The following PLXDC2 variants were observed in gnomAD, a reference collection of about 807,000 sequenced individuals.
The protein encoded by PLXDC2 is plexin domain containing 2, also known as plexin domain-containing protein 2.
PLXDC2 carries 40 observed loss-of-function variants against 68.9 expected under a neutral mutation model. The ratio of observed to expected loss-of-function variants is 0.58; its 90% confidence interval spans 0.45 to 0.76. The LOEUF (loss-of-function observed/expected upper bound fraction) is 0.76. Among genes scored for constraint, PLXDC2 ranks in the 30% least tolerant of loss-of-function variants. The pLI, the probability that PLXDC2 is intolerant of heterozygous loss-of-function variation, is 0.00. For missense variants in PLXDC2, 644 were observed against 661.9 expected (o/e 0.97, Z 0.30); for synonymous variants, 243 against 234.2 (o/e 1.04, Z -0.34).
intron 7 of PLXDC2, among the ~76,000 whole-genome samples, chr10:20,173,935 A>C (rs10740966): frequency 6.6e-6 from 1 of 152,050 alleles, no homozygotes; most frequent in Non-Finnish European, 1.5e-5. Flanking sequence ...GTTAAATTCA[A>C]CTCCTCTCAA....
chr10:20,128,961 C>T (rs1164966455), intron 4 of PLXDC2, among the ~76,000 whole-genome samples: 2 of 152,150 alleles, frequency 1.3e-5, no homozygotes, highest in East Asian at 3.9e-4. Flanking sequence ...TCTGCTATCC[C>T]TTGCACATAC....
At chr10:20,209,003 C>T (rs1274993547) in intron 9 of PLXDC2, among the ~76,000 whole-genome samples, 2 of 151,954 alleles carry the variant, frequency 1.3e-5, no homozygotes, top group Non-Finnish European at 2.9e-5. Flanking sequence ...AATAGAATAT[C>T]ACAAGGCAAA....
chr10:20,210,435 C>G (rs1157189795), intron 9 of PLXDC2, among the ~76,000 whole-genome samples: 1 of 152,104 alleles, frequency 6.6e-6, no homozygotes, highest in Admixed American at 6.6e-5. Context: ...AGAATGTGCT[C>G]TGGATAGTAA....
At chr10:19,907,446 G>C (rs1023716737) in intron 1 of PLXDC2, among the ~76,000 whole-genome samples, 1 of 152,200 alleles carries the variant, frequency 6.6e-6, no homozygotes, top group Non-Finnish European at 1.5e-5. Flanking sequence ...GCGAAGGATA[G>C]TGTTCTGGGA....
intron 4 of PLXDC2, among the ~76,000 whole-genome samples, chr10:20,130,826 A>ACCCATGT (rs1833857890): frequency 6.6e-6 from 1 of 152,090 alleles, no homozygotes; most frequent in African/African-American, 2.4e-5. Flanking sequence ...CAAGGATAAA[A>ACCCATGT]CCCATGTGAT....
intron 4 of PLXDC2, among the ~76,000 whole-genome samples, chr10:20,117,071 C>T (rs1361166776): frequency 1.3e-5 from 2 of 150,194 alleles, no homozygotes; most frequent in African/African-American, 4.9e-5. Context: ...AATAGTTCAG[C>T]AGTTGAGCGA....
At chr10:20,149,620 G>A (rs144345522) in intron 6 of PLXDC2, among the ~76,000 whole-genome samples, 4 of 151,878 alleles carry the variant, frequency 2.6e-5, no homozygotes, top group Admixed American at 6.6e-5. Flanking sequence ...CCCTTCTTTG[G>A]CCCATGCATT....
rs12414808 is a variant in PLXDC2, at chr10:20,169,332, C to T, written c.883+4765C>T. On this transcript the variant is annotated intron_variant, in intron 7 of 13. Coordinates refer to ENST00000377252, the MANE Select transcript of PLXDC2 (RefSeq NM_032812.9). ...AGCTTTCTAATATTCATTTTTAACT[C>T]TGCAAATTTGGTAAGCACGAAATGG... is the stretch of plus-strand genomic sequence containing the variant. Among the ~76,000 whole-genome samples the T allele has an allele frequency of 5.9e-3, 897 of 152,268 alleles. 34 individuals carry two copies. Among genetic ancestry groups the T allele is most frequent in the Admixed American group, 0.053 (806 of 15,286 alleles).
intron 8 of PLXDC2, 83 bp downstream of exon 8, chr10:20,177,177 T>A (rs1028745992): frequency 7.4e-7 from 1 of 1,358,154 alleles, no homozygotes; most frequent in Non-Finnish European, 1.0e-6. Flanking sequence ...AATAATCATA[T>A]TAAATAATTA....
chr10:20,140,442 C>CTATCTATCTATCT (rs34794355), intron 4 of PLXDC2, among the ~76,000 whole-genome samples: 5,350 of 145,374 alleles, frequency 0.037, 206 homozygotes, highest in Middle Eastern at 0.049. Flanking sequence ...TCTATCTATC[C>CTATCTATCTATCT]GTCTAATCTT....
intron 6 of PLXDC2, among the ~76,000 whole-genome samples, chr10:20,158,404 T>C (rs1361070390): frequency 6.6e-6 from 1 of 151,266 alleles, no homozygotes; most frequent in Non-Finnish European, 1.5e-5. Flanking sequence ...AAATAGCTTG[T>C]TTATACATAC....
intron 1 of PLXDC2, among the ~76,000 whole-genome samples, chr10:19,942,797 C>G (rs997282326): frequency 1.3e-5 from 2 of 151,964 alleles, no homozygotes; most frequent in Non-Finnish European, 2.9e-5. Context: ...ACCAAAAAAC[C>G]GAAACAAATA....
At chr10:20,216,065 A>G (rs1349205181) in intron 10 of PLXDC2, among the ~76,000 whole-genome samples, 1 of 152,066 alleles carries the variant, frequency 6.6e-6, no homozygotes, top group African/African-American at 2.4e-5. Context: ...CAGGCAGGGA[A>G]AAGGCAGATC....
At chr10:20,255,849 GGATTAA>G (rs1424618628) in intron 13 of PLXDC2, among the ~76,000 whole-genome samples, 1 of 151,876 alleles carries the variant, frequency 6.6e-6, no homozygotes, top group Non-Finnish European at 1.5e-5. Context: ...GTTTGAAAAT[GGATTAA>G]GATTATTTTA....
At chr10:20,256,128 T>TTTTA (rs1270447835) in intron 13 of PLXDC2, among the ~76,000 whole-genome samples, 20 of 151,908 alleles carry the variant, frequency 1.3e-4, no homozygotes, top group African/African-American at 4.6e-4. Flanking sequence ...TTGTTTTTGT[T>TTTTA]TTTATTTATT....
chr10:20,140,277 C>T (rs1014940772), intron 4 of PLXDC2, among the ~76,000 whole-genome samples: 8 of 151,352 alleles, frequency 5.3e-5, no homozygotes, highest in East Asian at 3.9e-4. Context: ...CCAGCCTGGG[C>T]GACAGAGCGA....
chr10:20,239,919 G>C (rs1464313265), intron 12 of PLXDC2, among the ~76,000 whole-genome samples: 2 of 152,162 alleles, frequency 1.3e-5, no homozygotes, highest in Non-Finnish European at 2.9e-5. Context: ...CTTTGCATTT[G>C]AGGTGACTAT....
intron 9 of PLXDC2, among the ~76,000 whole-genome samples, chr10:20,197,825 T>G (rs897924608): frequency 2.0e-5 from 3 of 152,118 alleles, no homozygotes; most frequent in Non-Finnish European, 4.4e-5. Context: ...AGGTTGAAGA[T>G]CTTTCATAAA....
chr10:20,049,084 C>T (rs1459918630), intron 3 of PLXDC2, among the ~76,000 whole-genome samples: 2 of 152,024 alleles, frequency 1.3e-5, no homozygotes, highest in Non-Finnish European at 2.9e-5. Context: ...CTTGGTTACC[C>T]ATGAGTATTG....
Sources: gnomAD v4.1 joint callset for allele counts (sites outside exome capture counted in the v4.1 genomes callset) on GRCh38, gnomAD v4.1.1 for gene constraint, MANE v1.5 for transcripts, NCBI Gene and HGNC (gene_info 2026-07-23, HGNC 2026-07-21) for gene names.